Variants in DNAH10 observed in about 807,000 individuals in gnomAD.
DNAH10 encodes axonemal beta dynein heavy chain 10.
In DNAH10, 348 loss-of-function variants were observed where a neutral mutation model predicts 506.6. The observed-to-expected ratio is 0.69, with a 90% CI of 0.63 to 0.75. The LOEUF (loss-of-function observed/expected upper bound fraction) is 0.75. DNAH10 is among the 30% of genes least tolerant of loss of function. The probability of loss-of-function intolerance (pLI) is 0.00; values close to 1 mark genes in which losing one functional copy is unlikely to be tolerated. For missense variants in DNAH10, 5,179 were observed against 5,787.1 expected, an observed-to-expected ratio of 0.89 and a Z score of 3.41; for synonymous variants, 2,059 against 2,198.6, an observed-to-expected ratio of 0.94 and a Z score of 1.78.
chr12:123,788,651 G>A (rs1957955607), intron 10 of DNAH10, among the ~76,000 whole-genome samples: 1 of 152,210 alleles, frequency 6.6e-6, no homozygotes, highest in Admixed American at 6.5e-5. Context: ...AAACAGGCCA[G>A]GCATGATGGC....
rs1954551748 is a variant in DNAH10 at position 123,917,802 on chromosome 12, A to T, written c.11221A>T (p.Lys3741Ter). Residue 3741 changes from lysine to a stop codon, truncating the protein, a stop_gained, in exon 64 of 79, where the codon AAG becomes TAG. Transcript: ENST00000673944. LOFTEE classifies it high-confidence loss of function. The surrounding 1 kb of genome is among the most constrained non-coding windows in gnomAD (Gnocchi z 5.6). ...GCACACCCTGGAGGAGACCAAATCC[A>T]AGGCAACAGAGGTAGCAACCACAGT... ...LVHTLEETKS[K>*]ATEVSEKLKL... The T allele has an allele frequency of 6.4e-7, 1 of 1,571,850 alleles. No homozygotes were observed. The highest frequency in any genetic ancestry group is 1.9e-5 in the Admixed American group (1 of 53,808).
intron 5 of DNAH10, among the ~76,000 whole-genome samples, chr12:123,776,744 A>C (rs1160593250): frequency 2.6e-5 from 4 of 152,194 alleles, no homozygotes; most frequent in Non-Finnish European, 5.9e-5. Flanking sequence ...AGCAGGATGT[A>C]TGAATCTGGA....
chr12:123,882,462 G>T (rs1389593720), intron 51 of DNAH10, among the ~76,000 whole-genome samples: 1 of 152,206 alleles, frequency 6.6e-6, no homozygotes, highest in East Asian at 1.9e-4. Context: ...CACATTCACA[G>T]ATCTGTGCAA....
intron 25 of DNAH10, 88 bp downstream of exon 25, chr12:123,826,986 G>A (rs892840917): frequency 4.1e-6 from 5 of 1,216,536 alleles, no homozygotes; most frequent in Non-Finnish European, 4.6e-6. Context: ...TCTTTGGTCT[G>A]ATGATGAAGC....
chr12:123,910,204 T>A (rs939914537), intron 58 of DNAH10, among the ~76,000 whole-genome samples: 1 of 152,084 alleles, frequency 6.6e-6, no homozygotes, highest in Admixed American at 6.5e-5. Flanking sequence ...GGGGTGAGGG[T>A]GCGGGTGAAG....
At chr12:123,879,173 CTGTG>C (rs976574382) in intron 48 of DNAH10, 87 bp from the exon 49 acceptor site, 3 of 916,846 alleles carry the variant, frequency 3.3e-6, no homozygotes, top group African/African-American at 4.5e-5. Context: ...TTATTGCGCT[CTGTG>C]TGTCTGTCTG....
intron 44 of DNAH10, 141 bp downstream of exon 44, chr12:123,870,626 G>A (rs1444159809): frequency 2.4e-6 from 3 of 1,273,774 alleles, no homozygotes; most frequent in Non-Finnish European, 3.2e-6. Flanking sequence ...AAGAGGGTGA[G>A]CTGTGGGCCC....
At chr12:123,892,460 C>T (rs1339502233) in intron 52 of DNAH10, among the ~76,000 whole-genome samples, 4 of 152,192 alleles carry the variant, frequency 2.6e-5, no homozygotes, top group African/African-American at 7.2e-5. Context: ...CACCTCCCAC[C>T]GGGCCCCACC....
chr12:123,934,539 G>C (rs562253031), intron 77 of DNAH10, 82 bp from the exon 78 acceptor site: 1 of 1,551,950 alleles, frequency 6.4e-7, no homozygotes, highest in East Asian at 2.3e-5. Flanking sequence ...CCTGTGTGTC[G>C]CTGTGTGTGC....
rs111806961 is a variant in DNAH10 at position 123,919,083 on chromosome 12, CT to C, written c.11506+144del. The C allele has an allele frequency of 0.027, 28,036 of 1,045,186 alleles. 1,141 individuals carry two copies. Among genetic ancestry groups the C allele is most frequent in the African/African-American group, 0.19 (11,817 of 60,646 alleles). The allele number at this position is 1,045,186 out of a possible 1,614,324, so 64.7% of individuals were successfully genotyped here. On this transcript the variant is annotated intron_variant, in intron 65 of 78. Coordinates refer to ENST00000673944, the MANE Select transcript of DNAH10 (RefSeq NM_001372106.1). The surrounding 1 kb of genome is among the most constrained non-coding windows in gnomAD (Gnocchi z 4.9). ...CTTTTTTCTTTCTTTCTTTCTTTTT[CT>C]TTTTTTTTTGAGATAGGGTCTTGCT...
At position 123,879,314 on chromosome 12, in the gene DNAH10, G is replaced by A; in HGVS notation, c.8423G>A (p.Arg2808Lys). Residue 2808 changes from arginine (R) to lysine (K), a missense_variant, in exon 49 of 79, where the codon AGA becomes AAA. Arg to Lys is a conservative substitution (Grantham distance 26). Transcript: ENST00000673944. ...AGAGTCTGGAGGAATGAGTGTCTGAGAGTCTTCCACGACCGGCTGATCAGT... is the reference window on the plus strand; with the variant it reads ...AGAGTCTGGAGGAATGAGTGTCTGAAAGTCTTCCACGACCGGCTGATCAGT... ...MVRVWRNECL[R>K]VFHDRLISET... 1 of 1,579,974 alleles carries A rather than the reference G, an allele frequency of 6.3e-7. No homozygotes were observed. The highest frequency in any genetic ancestry group is 1.2e-5 in the South Asian group (1 of 85,760).
In DNAH10 at chr12:123,867,531, T is replaced by C; in HGVS notation, c.7232T>C (p.Val2411Ala). Residue 2411 changes from valine to alanine, a missense_variant, in exon 42 of 79, where the codon GTG becomes GCG. Val to Ala is a moderately conservative substitution (Grantham distance 64, BLOSUM62 0). Transcript: ENST00000673944. ...KYVPYLMDVI[V>A]EGIVDGRQAE... ...GTGCCCTATCTCATGGATGTGATAG[T>C]GGAAGGAATTGTGGATGGAAGACAA... 6.2e-7 allele frequency: 1 copy of C among 1,613,848 alleles called. No homozygotes were observed. Among genetic ancestry groups the C allele is most frequent in the Non-Finnish European group, 8.5e-7 (1 of 1,179,838 alleles).
At chr12:123,808,673 C>A in intron 18 of DNAH10, 124 bp from the exon 19 acceptor site, 2 of 938,980 alleles carry the variant, frequency 2.1e-6, no homozygotes, top group Non-Finnish European at 3.3e-6. Flanking sequence ...CTGTCTAGGA[C>A]AGCCTCACAG....
chr12:123,847,309 T>C (rs1038709633), intron 32 of DNAH10, among the ~76,000 whole-genome samples: 82 of 65,778 alleles, frequency 1.2e-3, no homozygotes, highest in Admixed American at 3.8e-3. Context: ...TCATCTATTT[T>C]ATCTATCTAT....
intron 37 of DNAH10, among the ~76,000 whole-genome samples, chr12:123,857,861 G>T (rs892386293): frequency 3.3e-5 from 5 of 152,190 alleles, no homozygotes; most frequent in Non-Finnish European, 7.3e-5. Context: ...CCCGTTAACA[G>T]CTTACCTTCT....
At chr12:123,815,491 A>G (rs2136377737) in intron 21 of DNAH10, among the ~76,000 whole-genome samples, 1 of 152,194 alleles carries the variant, frequency 6.6e-6, no homozygotes, top group South Asian at 2.1e-4. Context: ...TAATTTTTAA[A>G]TATTTTGTTT....
Position 123,903,243 on chromosome 12 carries a change from A to G in DNAH10, c.9815+130A>G, listed in dbSNP as rs1025013198. 1.6e-6 allele frequency: 2 copies of G among 1,244,634 alleles called. No homozygotes were observed. Among genetic ancestry groups the G allele is most frequent in the African/African-American group, 1.5e-5 (1 of 65,196 alleles). The allele number at this position is 1,244,634 out of a possible 1,614,324, so 77.1% of individuals were successfully genotyped here. A position where few individuals can be genotyped will look rare whatever the true frequency, so the allele number is the denominator to read the frequency against. On this transcript the variant is annotated intron_variant, in intron 57 of 78. Transcript: ENST00000673944. This position sits in a 1 kb window ranked among gnomAD's most constrained non-coding sequence, Gnocchi z 4.6. ...GCTGCCACTGTGCCTGGCTCTCTCC[A>G]TGGTGGAGACTGTTGTTGCCCTCAT...
At position 123,871,541 on chromosome 12, in the gene DNAH10, C is replaced by G. The variant is rs561625370; in HGVS notation, c.7724C>G (p.Ser2575Cys). The G allele has an allele frequency of 1.1e-5, 17 of 1,553,178 alleles. No individual in the cohort carries two copies. The African/African-American group carries it at 1.5e-4, about 14-fold the overall frequency. The part of the protein sequence containing the change: ...IKQPVIFVGE[S>C]GTSKTATTQN... ...CAACCTGTTATTTTTGTTGGTGAAT[C>G]TGGCACTTCTAAGACAGCCACTACC... Residue 2575 changes from serine (S) to cysteine (C), a missense_variant, in exon 45 of 79, where the codon TCT (serine) becomes TGT (cysteine). This residue lies in a region of DNAH10 where 4,844 missense variants were observed against 5,430.5 expected (regional missense o/e 0.89). Transcript: ENST00000673944.
chr12:123,916,820 C>T lies in DNAH10; in HGVS notation c.11002+84C>T, dbSNP rs1179150735. ...TCAGATCAAGGCATTCATGGGACATCATTTCACTCAGTGACCCCAGATCAT... is the reference window on the plus strand; with the variant it reads ...TCAGATCAAGGCATTCATGGGACATTATTTCACTCAGTGACCCCAGATCAT... On this transcript the variant is annotated intron_variant, in intron 63 of 78. Transcript: ENST00000673944. The surrounding 1 kb of genome is among the most constrained non-coding windows in gnomAD (Gnocchi z 4.6). 3.4e-6 allele frequency: 5 copies of T among 1,472,602 alleles called. No homozygotes were observed. In the Admixed American group the frequency reaches 6.6e-5, roughly 19 times the overall value. 91.2% of individuals were successfully genotyped at this position (1,472,602 alleles called of 1,614,324 possible).
Sources: gnomAD v4.1 joint callset for allele counts (sites outside exome capture counted in the v4.1 genomes callset) on GRCh38, gnomAD v4.1.1 for gene constraint, gnomAD v4.1.1 regional missense constraint, Gnocchi (gnomAD v3.1) non-coding constraint, MANE v1.5 for transcripts, NCBI Gene and HGNC (gene_info 2026-07-23, HGNC 2026-07-21) for gene names.